STARD13: variants seen among roughly 807,000 people sequenced by gnomAD.
STARD13 encodes the protein stAR-related lipid transfer protein 13.
In STARD13, 62 loss-of-function variants were observed where a neutral mutation model predicts 106.4. That is an observed-to-expected ratio of 0.58 (90% CI 0.48 to 0.72). The LOEUF is 0.72. STARD13 is among the 30% of genes least tolerant of loss of function. The pLI, the probability that STARD13 is intolerant of heterozygous loss-of-function variation, is 0.00. For missense variants in STARD13, 1,387 were observed against 1,424.0 expected, an observed-to-expected ratio of 0.97 and a Z score of 0.42; for synonymous variants, 565 against 553.0, an observed-to-expected ratio of 1.02 and a Z score of -0.31.
At chr13:33,335,601 C>T (rs7323268) in intron 1 of STARD13, among the ~76,000 whole-genome samples, 22,400 of 152,278 alleles carry the variant, frequency 0.15, 2,189 homozygotes, top group Non-Finnish European at 0.2. Context: ...GAGGTCTCTT[C>T]CGCCTAAAGT....
the STARD13 span, among the ~76,000 whole-genome samples, chr13:33,602,039 A>C: frequency 6.6e-6 from 1 of 151,952 alleles, no homozygotes; most frequent in Non-Finnish European, 1.5e-5. Context: ...TGGCTCAGCA[A>C]TACTGGGGAT....
At chr13:33,234,656 C>T (rs1889097600) in intron 1 of STARD13, among the ~76,000 whole-genome samples, 1 of 152,156 alleles carries the variant, frequency 6.6e-6, no homozygotes, top group Non-Finnish European at 1.5e-5. Context: ...TAGCATTCTG[C>T]CTCCAACAAA....
chr13:33,472,268 A>C, the STARD13 span, among the ~76,000 whole-genome samples: 1 of 151,932 alleles, frequency 6.6e-6, no homozygotes, highest in African/African-American at 2.4e-5. Flanking sequence ...CATGCAGTGC[A>C]TTTGTTTCTT....
the STARD13 span, among the ~76,000 whole-genome samples, chr13:33,377,381 G>C: frequency 1.3e-5 from 2 of 152,156 alleles, no homozygotes; most frequent in African/African-American, 2.4e-5. Context: ...AGTAATAAGA[G>C]GTATGTGTGT....
rs116664842 is a variant in STARD13 at position 33,149,198 on chromosome 13, T to A, written c.324-6825A>T. Among the ~76,000 whole-genome samples, 8 of 152,046 alleles carry A rather than the reference T, an allele frequency of 5.3e-5. No homozygotes were observed. In the South Asian group the frequency reaches 1.7e-3, roughly 32 times the overall value. The stretch of plus-strand genomic sequence containing the variant: ...AACCCTAATGTACACTATGGAGAAT[T>A]TGGGTGATAATGATATGTCAATGTA... On this transcript the variant is annotated intron_variant, in intron 3 of 13. Coordinates refer to ENST00000336934, the MANE Select transcript of STARD13 (RefSeq NM_178006.4).
chr13:33,117,914 C>G, intron 8 of STARD13, 151 bp downstream of exon 8: 1 of 1,391,182 alleles, frequency 7.2e-7, no homozygotes, highest in Non-Finnish European at 9.3e-7. Flanking sequence ...AAACTTTGAG[C>G]AAAAGTTACT....
intron 1 of STARD13, among the ~76,000 whole-genome samples, chr13:33,206,366 AACACACAC>A (rs59306930): frequency 4.6e-4 from 69 of 149,568 alleles, no homozygotes; most frequent in African/African-American, 1.6e-3. Context: ...CCATGACTGA[AACACACAC>A]ACACACACAC....
the STARD13 span, among the ~76,000 whole-genome samples, chr13:33,365,470 C>T: frequency 5.9e-5 from 9 of 152,198 alleles, no homozygotes; most frequent in African/African-American, 2.2e-4. Context: ...GTACGCTGGA[C>T]GGCGACAGTC....
chr13:33,617,671 A>G, the STARD13 span, among the ~76,000 whole-genome samples: 5 of 152,310 alleles, frequency 3.3e-5, no homozygotes, highest in African/African-American at 1.2e-4. Flanking sequence ...TAGTAGTAAC[A>G]GCAGGTGGTA....
chr13:33,673,636 T>C, the STARD13 span, among the ~76,000 whole-genome samples: 3 of 145,788 alleles, frequency 2.1e-5, no homozygotes, highest in Non-Finnish European at 4.4e-5. Flanking sequence ...TCCACCTCCC[T>C]GGTTCAAGCA....
At chr13:33,461,280 C>T in the STARD13 span, among the ~76,000 whole-genome samples, 1 of 152,096 alleles carries the variant, frequency 6.6e-6, no homozygotes, top group Non-Finnish European at 1.5e-5. Context: ...ATTCATTTTA[C>T]GTTAAACACA....
the STARD13 span, among the ~76,000 whole-genome samples, chr13:33,365,470 C>A: frequency 2.0e-3 from 308 of 152,312 alleles, 1 homozygote; most frequent in African/African-American, 7.3e-3. Context: ...GTACGCTGGA[C>A]GGCGACAGTC....
chr13:33,513,458 G>A, the STARD13 span, among the ~76,000 whole-genome samples: 5 of 152,112 alleles, frequency 3.3e-5, no homozygotes, highest in Admixed American at 1.3e-4. Context: ...AGAGACATAC[G>A]TGATTCACTG....
In STARD13 at chr13:33,110,927, A is replaced by G; in HGVS notation, c.2608-20T>C. 2.5e-6 allele frequency: 4 copies of G among 1,598,234 alleles called. No individual in the cohort carries two copies. Among genetic ancestry groups the G allele is most frequent in the Non-Finnish European group, 3.4e-6 (4 of 1,167,178 alleles). On this transcript the variant is annotated intron_variant, in intron 10 of 13. Transcript: ENST00000336934. ...TGGAACCTAGACCAACGGATGCATG[A>G]AAGGGCAACACACTGAGCCAAAGAA...
chr13:33,385,400 C>A, the STARD13 span, among the ~76,000 whole-genome samples: 2 of 134,348 alleles, frequency 1.5e-5, no homozygotes, highest in African/African-American at 5.6e-5. Context: ...TAAAATTGAT[C>A]AGAAAAATAG....
At chr13:33,664,272 C>T in the STARD13 span, among the ~76,000 whole-genome samples, 1 of 152,168 alleles carries the variant, frequency 6.6e-6, no homozygotes, top group African/African-American at 2.4e-5. Context: ...CTATCACATA[C>T]AACACTACGC....
rs749266411 is a variant in STARD13, at chr13:33,129,445, G to T, written c.1232C>A (p.Ser411Tyr). 6.2e-7 allele frequency: 1 copy of T among 1,614,182 alleles called. No individual in the cohort carries two copies. Among genetic ancestry groups the T allele is most frequent in the South Asian group, 1.1e-5 (1 of 91,076 alleles). Reference protein sequence around the residue: ...HKPGTFPKALSIESLSPTDSS... With the variant: ...HKPGTFPKALYIESLSPTDSS... ...ATCTGTGGGAGAGAGGCTTTCAATA[G>T]AAAGTGCCTTGGGGAATGTTCCTGG... The change falls in exon 5 of 14, where the codon TCT (serine) becomes TAT (tyrosine). Residue 411 changes from serine to tyrosine, a missense_variant. By Grantham distance (144) the Ser-to-Tyr change is moderately radical. Coordinates refer to ENST00000336934, the MANE Select transcript of STARD13 (RefSeq NM_178006.4).
the STARD13 span, among the ~76,000 whole-genome samples, chr13:33,465,201 CTTT>C: frequency 1.6e-5 from 1 of 60,642 alleles, no homozygotes; most frequent in African/African-American, 5.1e-5. Flanking sequence ...TGGTCTTCTT[CTTT>C]TTTTTTTTTT....
the STARD13 span, among the ~76,000 whole-genome samples, chr13:33,394,657 T>G: frequency 2.0e-5 from 3 of 152,214 alleles, no homozygotes; most frequent in Non-Finnish European, 4.4e-5. Context: ...GATTAAAGCA[T>G]CAAAATTTGG....
Sources: gnomAD v4.1 joint callset for allele counts (sites outside exome capture counted in the v4.1 genomes callset) on GRCh38, gnomAD v4.1.1 for gene constraint, MANE v1.5 for transcripts, NCBI Gene and HGNC (gene_info 2026-07-23, HGNC 2026-07-21) for gene names.